The following GTF2F2 variants were observed in gnomAD, a reference collection of about 807,000 sequenced individuals.
The protein encoded by GTF2F2 is ATP-dependent helicase GTF2F2.
In GTF2F2, 23 loss-of-function variants were observed where a neutral mutation model predicts 42.2. The ratio of observed to expected loss-of-function variants is 0.55; its 90% CI spans 0.39 to 0.77. GTF2F2 has a LOEUF of 0.77. Among genes scored for constraint, GTF2F2 ranks in the 30% least tolerant of loss-of-function variants. The pLI, the probability that GTF2F2 is intolerant of heterozygous loss-of-function variation, is 0.00. For missense variants in GTF2F2, 261 were observed against 287.2 expected (o/e 0.91, Z 0.66); for synonymous variants, 105 against 100.8 (o/e 1.04, Z -0.25).
At chr13:45,203,824 A>G (rs994346370) in intron 4 of GTF2F2, among the ~76,000 whole-genome samples, 4 of 152,136 alleles carry the variant, frequency 2.6e-5, no homozygotes, top group Non-Finnish European at 5.9e-5. Context: ...GAGGTGAGTT[A>G]AGTAGAGGTG....
chr13:45,276,484 T>TG (rs1286610357), intron 7 of GTF2F2, among the ~76,000 whole-genome samples: 2 of 151,182 alleles, frequency 1.3e-5, no homozygotes, highest in African/African-American at 4.9e-5. Context: ...CCACCCATCC[T>TG]GGGGTGCAAT....
chr13:45,182,244 G>A (rs184075470), intron 4 of GTF2F2, among the ~76,000 whole-genome samples: 138 of 152,048 alleles, frequency 9.1e-4, no homozygotes, highest in African/African-American at 2.9e-3. Context: ...TCTGCCTCCC[G>A]GGCTCAAGCA....
chr13:45,150,475 A>G (rs1318508504), intron 3 of GTF2F2, among the ~76,000 whole-genome samples: 1 of 152,094 alleles, frequency 6.6e-6, no homozygotes, highest in Non-Finnish European at 1.5e-5. Context: ...CAGAGTAAAT[A>G]GTTCACTTCA....
At chr13:45,163,717 C>CG (rs1871142950) in intron 4 of GTF2F2, among the ~76,000 whole-genome samples, 1 of 152,024 alleles carries the variant, frequency 6.6e-6, no homozygotes, top group Non-Finnish European at 1.5e-5. Context: ...TTCTCTAGTT[C>CG]TTTGAGCATA....
At chr13:45,248,726 T>C (rs1217797363) in intron 5 of GTF2F2, among the ~76,000 whole-genome samples, 1 of 152,188 alleles carries the variant, frequency 6.6e-6, no homozygotes, top group African/African-American at 2.4e-5. Context: ...TCCACCTGTC[T>C]CTGCCTCCCA....
intron 7 of GTF2F2, among the ~76,000 whole-genome samples, chr13:45,276,042 A>G (rs1877021085): frequency 6.6e-6 from 1 of 152,224 alleles, no homozygotes; most frequent in Admixed American, 6.5e-5. Context: ...TGTAAATGCT[A>G]TGTAAATAAT....
intron 1 of GTF2F2, among the ~76,000 whole-genome samples, chr13:45,135,369 C>T (rs1869564587): frequency 6.6e-6 from 1 of 152,168 alleles, no homozygotes; most frequent in African/African-American, 2.4e-5. Flanking sequence ...AAGCAAGTCT[C>T]CTGCCTCAGC....
intron 5 of GTF2F2, among the ~76,000 whole-genome samples, chr13:45,231,451 T>C (rs1593505704): frequency 6.6e-6 from 1 of 152,310 alleles, no homozygotes; most frequent in East Asian, 1.9e-4. Context: ...AGTTGAAATA[T>C]GTACAGAAAT....
intron 3 of GTF2F2, among the ~76,000 whole-genome samples, chr13:45,151,388 TCTTG>T (rs994338648): frequency 3.3e-5 from 5 of 152,078 alleles, no homozygotes; most frequent in Non-Finnish European, 7.4e-5. Context: ...AGAGACAGGG[TCTTG>T]CTTTGTTGCC....
In GTF2F2 at chr13:45,284,223, CT is replaced by C. The variant is rs1371762331; in HGVS notation, c.*665del. On this transcript the variant is annotated 3_prime_UTR_variant, in exon 8 of 8. Coordinates refer to ENST00000340473, the MANE Select transcript of GTF2F2 (RefSeq NM_004128.3). ...TTTAAGATAATTAGAAATTAAATATCTTTCCAAAATTTGAAGATATGTCTCC... is the reference window on the plus strand; with the variant it reads ...TTTAAGATAATTAGAAATTAAATATCTTCCAAAATTTGAAGATATGTCTCC... The C allele has an allele frequency of 3.9e-5, 6 of 151,966 alleles. No individual in the cohort carries two copies. Among genetic ancestry groups the C allele is most frequent in the Non-Finnish European group, 8.8e-5 (6 of 67,998 alleles). 9.4% of individuals were successfully genotyped at this position (151,966 alleles called of 1,614,324 possible). A position where few individuals can be genotyped will look rare whatever the true frequency, so the allele number is the denominator to read the frequency against.
chr13:45,137,804 T>A (rs1869706023), intron 2 of GTF2F2, among the ~76,000 whole-genome samples: 1 of 152,046 alleles, frequency 6.6e-6, no homozygotes, highest in Non-Finnish European at 1.5e-5. Context: ...GACTCCACCT[T>A]TTGATGGAAG....
At chr13:45,173,612 ATTTTTTTTTTT>A (rs56033747) in intron 4 of GTF2F2, among the ~76,000 whole-genome samples, 1 of 93,710 alleles carries the variant, frequency 1.1e-5, no homozygotes, top group Non-Finnish European at 2.0e-5. Flanking sequence ...TAACTTTGTC[ATTTTTTTTTTT>A]TTTTTTTTTT....
At chr13:45,226,357 G>C (rs2138211157) in intron 5 of GTF2F2, among the ~76,000 whole-genome samples, 1 of 152,082 alleles carries the variant, frequency 6.6e-6, no homozygotes, top group South Asian at 2.1e-4. Flanking sequence ...TATCTTAGAG[G>C]GTGGGCCTTT....
At chr13:45,207,244 C>T (rs1873453085) in intron 4 of GTF2F2, 180 bp from the exon 5 acceptor site, 2 of 509,476 alleles carry the variant, frequency 3.9e-6, no homozygotes, top group Admixed American at 3.2e-5. Context: ...CAGTTTGTTA[C>T]TAAGCCAAGA....
At chr13:45,239,998 T>C (rs1875196324) in intron 5 of GTF2F2, among the ~76,000 whole-genome samples, 1 of 151,960 alleles carries the variant, frequency 6.6e-6, no homozygotes, top group South Asian at 2.1e-4. Context: ...AGAATTCAAC[T>C]CAGTATTAAG....
At chr13:45,223,174 T>C (rs1593500011) in intron 5 of GTF2F2, among the ~76,000 whole-genome samples, 2 of 150,552 alleles carry the variant, frequency 1.3e-5, no homozygotes, top group African/African-American at 4.9e-5. Flanking sequence ...GGCCAATCAC[T>C]TGAGTCCAGG....
chr13:45,147,342 G>A (rs1243414711), intron 2 of GTF2F2, among the ~76,000 whole-genome samples: 1 of 152,112 alleles, frequency 6.6e-6, no homozygotes. Context: ...AAACATTATG[G>A]AAGTGTCTTC....
At chr13:45,194,721 A>G in intron 4 of GTF2F2, 1 of 670,822 alleles carries the variant, frequency 1.5e-6, no homozygotes, top group Non-Finnish European at 2.6e-6. Flanking sequence ...GTTTTGCAGT[A>G]GGTGGCGTAT....
chr13:45,189,794 G>T (rs1005259182), intron 4 of GTF2F2, among the ~76,000 whole-genome samples: 1 of 152,158 alleles, frequency 6.6e-6, no homozygotes, highest in Non-Finnish European at 1.5e-5. Context: ...TTGATTTGCA[G>T]TCAAAAATCA....
Sources: gnomAD v4.1 joint callset for allele counts (sites outside exome capture counted in the v4.1 genomes callset) on GRCh38, gnomAD v4.1.1 for gene constraint, MANE v1.5 for transcripts, NCBI Gene and HGNC (gene_info 2026-07-23, HGNC 2026-07-21) for gene names.